The following FBXL7 variants were observed in gnomAD, a reference collection of about 807,000 sequenced individuals.
FBXL7 encodes F-box and leucine rich repeat protein 7, also known as F-box/LRR-repeat protein 7.
A neutral mutation model predicts 38.3 loss-of-function variants in FBXL7; 12 were observed. That is an observed-to-expected ratio of 0.31 (90% confidence interval 0.20 to 0.51). The LOEUF (loss-of-function observed/expected upper bound fraction) is 0.51, where lower values mean the gene tolerates loss of function less well. FBXL7 is among the 20% of genes least tolerant of loss of function. The probability of loss-of-function intolerance (pLI) is 0.98; values close to 1 mark genes in which losing one functional copy is unlikely to be tolerated. For missense variants in FBXL7, 567 were observed against 676.4 expected (o/e 0.84, Z 1.79); for synonymous variants, 297 against 300.9 (o/e 0.99, Z 0.13).
intron 2 of FBXL7, among the ~76,000 whole-genome samples, chr5:15,864,500 C>G (rs1379887754): frequency 6.6e-6 from 1 of 152,020 alleles, no homozygotes; most frequent in Non-Finnish European, 1.5e-5. Flanking sequence ...CATTGATATT[C>G]TAGAGTTGTA....
intron 2 of FBXL7, among the ~76,000 whole-genome samples, chr5:15,819,385 T>C (rs535000329): frequency 6.6e-6 from 1 of 152,262 alleles, no homozygotes; most frequent in East Asian, 1.9e-4. Context: ...ATCTAGATAC[T>C]GTGAGCGAAG....
intron 2 of FBXL7, among the ~76,000 whole-genome samples, chr5:15,669,941 A>T (rs1742411032): frequency 6.6e-6 from 1 of 152,100 alleles, no homozygotes; most frequent in Admixed American, 6.6e-5. Flanking sequence ...AGTGGAAGTG[A>T]TGTGTCACTT....
intron 2 of FBXL7, among the ~76,000 whole-genome samples, chr5:15,925,398 A>G (rs1447242890): frequency 6.6e-6 from 1 of 152,228 alleles, no homozygotes; most frequent in East Asian, 1.9e-4. Context: ...TAATTCAAAG[A>G]TGCTCCATGA....
chr5:15,753,676 G>C (rs575869109), intron 2 of FBXL7, among the ~76,000 whole-genome samples: 1 of 152,252 alleles, frequency 6.6e-6, no homozygotes, highest in Admixed American at 6.5e-5. Context: ...TTCAGACATA[G>C]TGAGGTACTT....
chr5:15,855,953 A>G (rs1739258663), intron 2 of FBXL7, among the ~76,000 whole-genome samples: 2 of 152,310 alleles, frequency 1.3e-5, no homozygotes, highest in African/African-American at 4.8e-5. Flanking sequence ...AAAAAGAAAA[A>G]CTTAACAGCT....
chr5:15,893,176 T>G (rs1212106769), intron 2 of FBXL7, among the ~76,000 whole-genome samples: 1 of 151,154 alleles, frequency 6.6e-6, no homozygotes, highest in African/African-American at 2.4e-5. Context: ...GCCTCTCAGC[T>G]GGGGAGAGGC....
At chr5:15,729,962 T>A (rs1382055334) in intron 2 of FBXL7, among the ~76,000 whole-genome samples, 1 of 152,148 alleles carries the variant, frequency 6.6e-6, no homozygotes, top group Non-Finnish European at 1.5e-5. Flanking sequence ...CTGTATGCAG[T>A]CCTACTGTAT....
intron 2 of FBXL7, among the ~76,000 whole-genome samples, chr5:15,879,498 A>G (rs183292671): frequency 1.3e-5 from 2 of 152,332 alleles, no homozygotes; most frequent in African/African-American, 4.8e-5. Context: ...TCACATGAGC[A>G]GTTTCCTATG....
chr5:15,534,970 A>T (rs1713047070), intron 1 of FBXL7, among the ~76,000 whole-genome samples: 1 of 152,176 alleles, frequency 6.6e-6, no homozygotes, highest in South Asian at 2.1e-4. Flanking sequence ...TCATGAAGGT[A>T]GTTTCACTCA....
At chr5:15,820,332 C>G (rs1315914704) in intron 2 of FBXL7, among the ~76,000 whole-genome samples, 3 of 152,032 alleles carry the variant, frequency 2.0e-5, no homozygotes, top group Non-Finnish European at 4.4e-5. Flanking sequence ...CCCTTTTTCC[C>G]TGGAGGGTCC....
chr5:15,734,842 A>G (rs1363711929), intron 2 of FBXL7, among the ~76,000 whole-genome samples: 1 of 152,238 alleles, frequency 6.6e-6, no homozygotes, highest in Non-Finnish European at 1.5e-5. Context: ...GAGAGAAAGC[A>G]TGTCCAGATG....
intron 2 of FBXL7, among the ~76,000 whole-genome samples, chr5:15,748,127 A>C (rs902235258): frequency 6.8e-6 from 1 of 147,932 alleles, no homozygotes; most frequent in Non-Finnish European, 1.5e-5. Context: ...AGTCTAGAGG[A>C]ATTCTGATAT....
chr5:15,814,639 A>T (rs1737962596), intron 2 of FBXL7, among the ~76,000 whole-genome samples: 1 of 152,208 alleles, frequency 6.6e-6, no homozygotes, highest in East Asian at 1.9e-4. Flanking sequence ...TTGTAAAAAA[A>T]TTTTTTTTAA....
Position 15,936,622 on chromosome 5 carries a change from C to T in FBXL7, c.912C>T (p.Tyr304=). ...AAHCTQLTHL[Y]LRRCVRLTDE... is the part of the protein sequence containing the mutation. ...ACTGCACGCAGCTCACCCACCTCTA[C>T]CTGCGCCGCTGCGTCCGCCTGACCG... Residue 304 remains tyrosine (Y), a synonymous_variant, in exon 4 of 4, where the codon TAC becomes TAT. Coordinates refer to ENST00000504595, the MANE Select transcript of FBXL7 (RefSeq NM_012304.5). The surrounding 1 kb of genome is among the most constrained non-coding windows in gnomAD (Gnocchi z 6.0). 2 of 1,609,906 alleles carry T rather than the reference C, an allele frequency of 1.2e-6. No individual in the cohort carries two copies.
chr5:15,705,434 C>T (rs1463399089), intron 2 of FBXL7, among the ~76,000 whole-genome samples: 1 of 152,092 alleles, frequency 6.6e-6, no homozygotes, highest in Non-Finnish European at 1.5e-5. Context: ...TGTTTGCCTC[C>T]CATTTGTTGA....
intron 2 of FBXL7, among the ~76,000 whole-genome samples, chr5:15,810,696 G>GTTATAATTC (rs1233631486): frequency 1.3e-5 from 2 of 151,960 alleles, no homozygotes; most frequent in Non-Finnish European, 2.9e-5. Flanking sequence ...TATATTGTTA[G>GTTATAATTC]TTATAATTCG....
At chr5:15,620,022 G>A (rs1157209325) in intron 2 of FBXL7, among the ~76,000 whole-genome samples, 5 of 152,162 alleles carry the variant, frequency 3.3e-5, no homozygotes, top group African/African-American at 7.2e-5. Flanking sequence ...AGCTGCAGGT[G>A]GGAATGGGAA....
chr5:15,776,937 G>A (rs1385386504), intron 2 of FBXL7, among the ~76,000 whole-genome samples: 1 of 151,960 alleles, frequency 6.6e-6, no homozygotes. Context: ...ATAACACTGT[G>A]ATTACATATG....
intron 2 of FBXL7, among the ~76,000 whole-genome samples, chr5:15,782,520 A>C (rs904920697): frequency 3.0e-4 from 45 of 152,268 alleles, no homozygotes; most frequent in Middle Eastern, 6.8e-3. Flanking sequence ...TCGCCATTCT[A>C]ACTGGTGTGA....
Sources: gnomAD v4.1 joint callset for allele counts (sites outside exome capture counted in the v4.1 genomes callset) on GRCh38, gnomAD v4.1.1 for gene constraint, Gnocchi (gnomAD v3.1) non-coding constraint, MANE v1.5 for transcripts, NCBI Gene and HGNC (gene_info 2026-07-23, HGNC 2026-07-21) for gene names.